IDO2: variants seen among roughly 807,000 people sequenced by gnomAD.
IDO2 encodes indoleamine 2,3-dioxygenase 2.
In IDO2, 46 loss-of-function variants were observed where a neutral mutation model predicts 45.1. The observed-to-expected ratio is 1.02, with a 90% CI of 0.80 to 1.30. IDO2 has a LOEUF of 1.30. Ranked by LOEUF, IDO2 falls within the 50% of genes most tolerant of loss-of-function variation. The pLI is 0.00. For missense variants in IDO2, 544 were observed against 491.8 expected (o/e 1.11, Z -1.00); for synonymous variants, 218 against 184.9 (o/e 1.18, Z -1.45).
intron 2 of IDO2, among the ~76,000 whole-genome samples, chr8:39,955,190 G>T (rs1396752133): frequency 6.7e-6 from 1 of 148,342 alleles, no homozygotes; most frequent in Non-Finnish European, 1.5e-5. Context: ...CATGCTAGAT[G>T]GACTCATTAA....
intron 3 of IDO2, among the ~76,000 whole-genome samples, chr8:39,968,633 TCTTA>T (rs1236162624): frequency 1.3e-5 from 2 of 152,050 alleles, no homozygotes. Context: ...CACCGCATGT[TCTTA>T]CTTATAAGTG....
At chr8:39,957,803 G>A (rs888993564) in intron 2 of IDO2, among the ~76,000 whole-genome samples, 2 of 152,056 alleles carry the variant, frequency 1.3e-5, no homozygotes. Flanking sequence ...AAAATCATCT[G>A]CTTCAAATTC....
chr8:39,970,928 A>G, intron 3 of IDO2, among the ~76,000 whole-genome samples: 1 of 150,832 alleles, frequency 6.6e-6, no homozygotes, highest in South Asian at 2.1e-4. Flanking sequence ...CACCATGCCC[A>G]GCTAATTTTT....
At chr8:39,937,173 G>T (rs1054784406) in intron 1 of IDO2, among the ~76,000 whole-genome samples, 12 of 152,274 alleles carry the variant, frequency 7.9e-5, no homozygotes, top group Non-Finnish European at 1.5e-4. Context: ...AATGTCGTTT[G>T]AGTGACACAG....
intron 4 of IDO2, among the ~76,000 whole-genome samples, chr8:39,979,833 G>A (rs1808315557): frequency 6.6e-6 from 1 of 151,014 alleles, no homozygotes; most frequent in African/African-American, 2.4e-5. Context: ...TTGCCTTTTT[G>A]CTTTAAAACA....
At chr8:39,963,784 C>G (rs1563428927) in intron 3 of IDO2, 81 bp downstream of exon 3, 1 of 801,922 alleles carries the variant, frequency 1.2e-6, no homozygotes. Flanking sequence ...GGAAGTGTGT[C>G]AATTGTCCTG....
At chr8:39,971,456 G>A (rs1808178052) in intron 3 of IDO2, among the ~76,000 whole-genome samples, 1 of 152,098 alleles carries the variant, frequency 6.6e-6, no homozygotes. Flanking sequence ...TGCAACCTAT[G>A]GATCAAGGGG....
chr8:39,994,265 T>TC (rs202239396), intron 8 of IDO2, among the ~76,000 whole-genome samples: 295 of 151,360 alleles, frequency 1.9e-3, no homozygotes, highest in Non-Finnish European at 3.6e-3. Context: ...TTTCTTTCTT[T>TC]TTTTTTTTTG....
chr8:39,979,980 C>A (rs560144281), intron 4 of IDO2, among the ~76,000 whole-genome samples: 1 of 152,130 alleles, frequency 6.6e-6, no homozygotes, highest in Admixed American at 6.6e-5. Flanking sequence ...TACCGCCACA[C>A]CCAGCTAATG....
chr8:40,001,170 T>C (rs927941006), intron 8 of IDO2, among the ~76,000 whole-genome samples: 9 of 149,732 alleles, frequency 6.0e-5, no homozygotes, highest in East Asian at 1.9e-4. Context: ...AATCTCTTCT[T>C]TCTCTCTCTC....
intron 1 of IDO2, among the ~76,000 whole-genome samples, chr8:39,945,080 C>T (rs1216813278): frequency 2.6e-5 from 4 of 152,212 alleles, no homozygotes; most frequent in South Asian, 4.1e-4. Context: ...TTACTGTTAA[C>T]TGAAGAATGA....
At chr8:39,953,255 A>G (rs1322670750) in intron 2 of IDO2, among the ~76,000 whole-genome samples, 3 of 152,148 alleles carry the variant, frequency 2.0e-5, no homozygotes, top group Non-Finnish European at 4.4e-5. Flanking sequence ...TGATATTTGA[A>G]GAGTTTTCCT....
intron 9 of IDO2, among the ~76,000 whole-genome samples, chr8:40,012,222 A>G (rs1802320072): frequency 6.6e-6 from 1 of 152,278 alleles, no homozygotes; most frequent in Non-Finnish European, 1.5e-5. Flanking sequence ...AAAATGTGCA[A>G]CATCAATGTG....
chr8:39,966,146 A>T (rs1299106163), intron 3 of IDO2, among the ~76,000 whole-genome samples: 2 of 149,302 alleles, frequency 1.3e-5, no homozygotes, highest in African/African-American at 5.0e-5. Flanking sequence ...CTCCTGCCTC[A>T]GCCTCCTGAG....
intron 9 of IDO2, among the ~76,000 whole-genome samples, chr8:40,006,561 C>A (rs995193551): frequency 1.3e-5 from 2 of 152,190 alleles, no homozygotes; most frequent in Admixed American, 1.3e-4. Flanking sequence ...TAAAACACTA[C>A]CCCAAACCAT....
intron 2 of IDO2, among the ~76,000 whole-genome samples, chr8:39,958,553 C>T (rs767798215): frequency 2.1e-4 from 32 of 152,236 alleles, no homozygotes; most frequent in Non-Finnish European, 2.4e-4. Flanking sequence ...TCTGCCACCA[C>T]ATCAAACTAA....
At chr8:39,992,295 C>G (rs1206251961) in intron 8 of IDO2, among the ~76,000 whole-genome samples, 1 of 152,212 alleles carries the variant, frequency 6.6e-6, no homozygotes, top group Admixed American at 6.5e-5. Flanking sequence ...TCCACCTACC[C>G]TGAGATCACT....
chr8:39,985,527 G>C lies in IDO2; in HGVS notation c.449+5G>C. ...GGCTAGATTCCTGGAAATTGGGTAA[G>C]TTCTCAGAAATCATTTACGCACTTT... On this transcript the variant is annotated splice_donor_5th_base_variant and intron_variant, in intron 6 of 10. Transcript: ENST00000502986. The C allele has an allele frequency of 6.4e-7, 1 of 1,563,834 alleles. No homozygotes were observed. Among genetic ancestry groups the C allele is most frequent in the Non-Finnish European group, 8.7e-7 (1 of 1,152,774 alleles).
At chr8:39,939,820 A>T (rs1807616909) in intron 1 of IDO2, among the ~76,000 whole-genome samples, 3 of 152,170 alleles carry the variant, frequency 2.0e-5, no homozygotes, top group Non-Finnish European at 4.4e-5. Flanking sequence ...AAAAACACTC[A>T]ATGTACCAGC....
Sources: gnomAD v4.1 joint callset for allele counts (sites outside exome capture counted in the v4.1 genomes callset) on GRCh38, gnomAD v4.1.1 for gene constraint, MANE v1.5 for transcripts, NCBI Gene and HGNC (gene_info 2026-07-23, HGNC 2026-07-21) for gene names.